ADD3: variants seen among roughly 807,000 people sequenced by gnomAD.
ADD3 encodes the protein gamma-adducin.
In ADD3, 25 loss-of-function variants were observed where a neutral mutation model predicts 80.2. That is an observed-to-expected ratio of 0.31 (90% CI 0.23 to 0.44). The LOEUF (loss-of-function observed/expected upper bound fraction) is 0.44. Among genes scored for constraint, ADD3 ranks in the 20% least tolerant of loss-of-function variants. ADD3 has a pLI of 1.00. For synonymous variants in ADD3, 284 were observed against 289.6 expected (o/e 0.98, Z 0.20); for missense variants, 829 against 847.5 (o/e 0.98, Z 0.27).
rs188788059 is a variant in ADD3 at position 110,047,178 on chromosome 10, G to A, written c.-30+38879G>A. On this transcript the variant is annotated intron_variant, in intron 1 of 14. Coordinates refer to ENST00000356080, the MANE Select transcript of ADD3 (RefSeq NM_016824.5). ...TTCATTATCTTTCCATTTACCTTTA[G>A]GGCAGTTGTAAAAGTCATGCTATTA... Among the ~76,000 whole-genome samples the A allele has an allele frequency of 3.7e-3, 556 of 152,214 alleles. 2 individuals are homozygous for A. The highest frequency in any genetic ancestry group is 6.4e-3 in the Non-Finnish European group (437 of 68,008).
chr10:110,125,194 T>G (rs1851990502), intron 10 of ADD3, among the ~76,000 whole-genome samples: 1 of 152,212 alleles, frequency 6.6e-6, no homozygotes, highest in South Asian at 2.1e-4. Flanking sequence ...TTCATTTTGT[T>G]TACAGAGATT....
At chr10:110,046,493 G>A (rs1330624087) in intron 1 of ADD3, among the ~76,000 whole-genome samples, 3 of 150,722 alleles carry the variant, frequency 2.0e-5, no homozygotes, top group Non-Finnish European at 4.4e-5. Context: ...TCATCTATAT[G>A]TAATTCTGGA....
At chr10:110,022,016 A>C (rs1853737016) in intron 1 of ADD3, among the ~76,000 whole-genome samples, 1 of 152,210 alleles carries the variant, frequency 6.6e-6, no homozygotes, top group Non-Finnish European at 1.5e-5. Flanking sequence ...TGAAACAAGA[A>C]TTACCGCACT....
At chr10:110,038,069 CAAAAA>C (rs754609555) in intron 1 of ADD3, among the ~76,000 whole-genome samples, 11 of 43,894 alleles carry the variant, frequency 2.5e-4, no homozygotes, top group African/African-American at 7.2e-4. Flanking sequence ...AACTCCGTCT[CAAAAA>C]AAAAAAAAAA....
intron 9 of ADD3, 118 bp from the exon 10 acceptor site, chr10:110,123,899 T>C: frequency 1.8e-6 from 2 of 1,090,086 alleles, no homozygotes; most frequent in Non-Finnish European, 2.6e-6. Flanking sequence ...AGGATGCCTT[T>C]TTCTTTGTTT....
chr10:110,048,972 C>A (rs1249241228), intron 1 of ADD3, among the ~76,000 whole-genome samples: 9 of 152,110 alleles, frequency 5.9e-5, no homozygotes, highest in Non-Finnish European at 2.9e-5. Flanking sequence ...GGCCTGGAGG[C>A]ATGGAGGAAA....
chr10:110,026,055 G>A (rs1220872179), intron 1 of ADD3, among the ~76,000 whole-genome samples: 1 of 152,006 alleles, frequency 6.6e-6, no homozygotes, highest in Admixed American at 6.6e-5. Context: ...TCCAATTTTA[G>A]TGTGCTCACC....
intron 1 of ADD3, among the ~76,000 whole-genome samples, chr10:110,089,683 A>G (rs1260929009): frequency 1.3e-5 from 2 of 151,768 alleles, no homozygotes; most frequent in Non-Finnish European, 2.9e-5. Context: ...ATAGGAATAT[A>G]TATATATGTA....
At chr10:110,097,807 C>T (rs190832360) in intron 1 of ADD3, among the ~76,000 whole-genome samples, 78 of 149,460 alleles carry the variant, frequency 5.2e-4, no homozygotes, top group African/African-American at 1.9e-3. Context: ...TAGAGTCTCG[C>T]TCTGTCACCC....
chr10:110,123,109 C>T (rs1033908677), intron 9 of ADD3, among the ~76,000 whole-genome samples: 1 of 152,158 alleles, frequency 6.6e-6, no homozygotes, highest in South Asian at 2.1e-4. Context: ...ACATTTATAT[C>T]CCATCCATCA....
At position 110,135,084 on chromosome 10, in the gene ADD3, A is replaced by C. The variant is rs1853500381; in HGVS notation, c.*1466A>C. 1 of 152,220 alleles carries C rather than the reference A, an allele frequency of 6.6e-6. No individual in the cohort carries two copies. Among genetic ancestry groups the C allele is most frequent in the African/African-American group, 2.4e-5 (1 of 41,442 alleles). 9.4% of individuals were successfully genotyped at this position (152,220 alleles called of 1,614,324 possible). ...GTTTCTTAAGGGTGAGTTGGCATGCAAAAAATTACATTGATTACAGTGTGT... is the reference window on the plus strand; with the variant it reads ...GTTTCTTAAGGGTGAGTTGGCATGCCAAAAATTACATTGATTACAGTGTGT... On this transcript the variant is annotated 3_prime_UTR_variant, in exon 15 of 15. Coordinates refer to ENST00000356080, the MANE Select transcript of ADD3 (RefSeq NM_016824.5).
chr10:110,067,177 T>TA (rs1158570646), intron 1 of ADD3, among the ~76,000 whole-genome samples: 1 of 152,226 alleles, frequency 6.6e-6, no homozygotes, highest in Admixed American at 6.5e-5. Context: ...AAATCATCTA[T>TA]AAAAAACCTG....
chr10:110,119,612 T>G (rs1851201531), intron 8 of ADD3, 48 bp downstream of exon 8: 1 of 1,517,302 alleles, frequency 6.6e-7, no homozygotes, highest in South Asian at 1.2e-5. Flanking sequence ...ATTTGCTCGT[T>G]TAGTTGGATT....
chr10:110,076,733 ATCT>A (rs1845416222), intron 1 of ADD3, among the ~76,000 whole-genome samples: 2 of 152,358 alleles, frequency 1.3e-5, no homozygotes, highest in Admixed American at 6.5e-5. Flanking sequence ...CTCTACTTCC[ATCT>A]AACATTCTGT....
chr10:110,089,320 A>T (rs897108170), intron 1 of ADD3, among the ~76,000 whole-genome samples: 1 of 152,184 alleles, frequency 6.6e-6, no homozygotes, highest in Non-Finnish European at 1.5e-5. Flanking sequence ...ATTTATCATG[A>T]GCTGTCAAGC....
intron 1 of ADD3, among the ~76,000 whole-genome samples, chr10:110,046,701 G>A (rs960007642): frequency 5.9e-5 from 9 of 152,134 alleles, no homozygotes; most frequent in African/African-American, 2.2e-4. Flanking sequence ...CAAGATGGAG[G>A]TAATTGTTGC....
chr10:110,066,913 C>T (rs145015241), intron 1 of ADD3, among the ~76,000 whole-genome samples: 9 of 152,186 alleles, frequency 5.9e-5, no homozygotes, highest in African/African-American at 1.9e-4. Context: ...ATATTTAGAT[C>T]CCTCTTTTGC....
At chr10:110,123,972 T>C (rs757444040) in intron 9 of ADD3, 45 bp from the exon 10 acceptor site, 12 of 1,577,352 alleles carry the variant, frequency 7.6e-6, no homozygotes, top group African/African-American at 4.1e-5. Flanking sequence ...AATGCTGTTA[T>C]TGATACAGGT....
At chr10:110,030,200 G>A (rs1854833046) in intron 1 of ADD3, among the ~76,000 whole-genome samples, 2 of 151,214 alleles carry the variant, frequency 1.3e-5, no homozygotes, top group South Asian at 4.4e-4. Context: ...GCACATGCTT[G>A]TAATCCCAGC....
Sources: allele counts gnomAD v4.1 joint callset (sites outside exome capture counted in the v4.1 genomes callset), GRCh38; gene constraint gnomAD v4.1.1; transcripts MANE v1.5; gene names NCBI Gene and HGNC (gene_info 2026-07-23, HGNC 2026-07-21).